The following GARNL3 variants were observed in gnomAD, a reference collection of about 807,000 sequenced individuals.
The protein encoded by GARNL3 is GTPase-activating Rap/Ran-GAP domain-like protein 3.
A neutral mutation model predicts 125.0 loss-of-function variants in GARNL3; 63 were observed. That is an observed-to-expected ratio of 0.50 (90% CI 0.41 to 0.62). The LOEUF (loss-of-function observed/expected upper bound fraction) is 0.62. Ranked by LOEUF, GARNL3 falls within the 20% of genes least tolerant of loss-of-function variation. The pLI, the probability that GARNL3 is intolerant of heterozygous loss-of-function variation, is 0.00. For missense variants in GARNL3, 994 were observed against 1,244.0 expected (o/e 0.80, Z 3.02); for synonymous variants, 439 against 457.5 (o/e 0.96, Z 0.52).
chr9:127,268,515 C>A (rs1490027889), intron 1 of GARNL3, among the ~76,000 whole-genome samples: 1 of 152,212 alleles, frequency 6.6e-6, no homozygotes, highest in East Asian at 1.9e-4. Flanking sequence ...TTTTTCCCAG[C>A]AGCCAGAGTG....
At chr9:127,387,409 T>C (rs1832599739) in intron 25 of GARNL3, 78 bp downstream of exon 25, 1 of 1,298,158 alleles carries the variant, frequency 7.7e-7, no homozygotes. Context: ...AATATCTACA[T>C]GTGATTACTG....
intron 4 of GARNL3, among the ~76,000 whole-genome samples, chr9:127,315,980 C>T (rs905643759): frequency 6.6e-6 from 1 of 152,186 alleles, no homozygotes; most frequent in African/African-American, 2.4e-5. Context: ...CTGATACATA[C>T]ATGCACTTGA....
chr9:127,368,722 G>A (rs1831436825), intron 22 of GARNL3, among the ~76,000 whole-genome samples: 1 of 149,500 alleles, frequency 6.7e-6, no homozygotes, highest in Admixed American at 6.7e-5. Flanking sequence ...ATCATTTGAG[G>A]TCAGGAGTTC....
intron 2 of GARNL3, among the ~76,000 whole-genome samples, chr9:127,254,717 C>A (rs552965793): frequency 8.0e-5 from 12 of 149,352 alleles, no homozygotes; most frequent in Admixed American, 2.7e-4. Context: ...TACAATGAGC[C>A]AAGATCGTGC....
In GARNL3 at chr9:127,357,266, G is replaced by A. The variant is rs1187938187; in HGVS notation, c.1983G>A (p.Gly661=). The A allele has an allele frequency of 6.2e-7, 1 of 1,614,096 alleles. No homozygotes were observed. The highest frequency in any genetic ancestry group is 1.3e-5 in the African/African-American group (1 of 74,936). ...DSPMVMTLVD[G]PAEESDNLIC... is the part of the protein sequence containing the mutation. ...CCATGGTGATGACCTTAGTGGATGGGCCAGCTGAAGAGAGTGACAATCTCA... is the reference window on the plus strand; with the variant it reads ...CCATGGTGATGACCTTAGTGGATGGACCAGCTGAAGAGAGTGACAATCTCA... Residue 661 remains glycine (G), a synonymous_variant, in exon 21 of 28, where the codon GGG becomes GGA. Coordinates refer to ENST00000373387, the MANE Select transcript of GARNL3 (RefSeq NM_032293.5).
In GARNL3 at chr9:127,335,528, C is replaced by G. The variant is rs111891793; in HGVS notation, c.873+195C>G. On this transcript the variant is annotated intron_variant, in intron 10 of 27. Transcript: ENST00000373387. ...GAGCTATTCTCACTGGTGCTGTCAC[C>G]TTAGAGAAATAAGGGGTCAGAGATA... Among the ~76,000 whole-genome samples, 625 of 152,252 alleles carry G rather than the reference C, an allele frequency of 4.1e-3. 2 individuals are homozygous for G. Among genetic ancestry groups the G allele is most frequent in the African/African-American group, 0.014 (595 of 41,542 alleles).
intron 1 of GARNL3, among the ~76,000 whole-genome samples, chr9:127,287,530 G>A (rs2064286337): frequency 6.6e-6 from 1 of 152,190 alleles, no homozygotes; most frequent in Admixed American, 6.5e-5. Flanking sequence ...TCCTTTCACA[G>A]CAGCTGACGT....
chr9:127,297,039 A>G (rs2064620594), intron 2 of GARNL3, among the ~76,000 whole-genome samples: 1 of 152,160 alleles, frequency 6.6e-6, no homozygotes. Context: ...TTCCCATTAT[A>G]CCACACCCCT....
chr9:127,314,686 G>A (rs551510212), intron 4 of GARNL3, among the ~76,000 whole-genome samples: 1 of 152,332 alleles, frequency 6.6e-6, no homozygotes, highest in South Asian at 2.1e-4. Context: ...TCACTGAGAT[G>A]GCTGCCATGT....
chr9:127,350,521 T>C (rs1014287924), intron 17 of GARNL3, among the ~76,000 whole-genome samples: 2 of 152,076 alleles, frequency 1.3e-5, no homozygotes, highest in Non-Finnish European at 2.9e-5. Context: ...ACGCCTGTAA[T>C]CCCAGGACTT....
At chr9:127,227,329 A>G (rs914625529) in intron 1 of GARNL3, among the ~76,000 whole-genome samples, 1 of 152,152 alleles carries the variant, frequency 6.6e-6, no homozygotes, top group Non-Finnish European at 1.5e-5. Flanking sequence ...GGCCAGGCGC[A>G]GTGGCTCATG....
At chr9:127,301,805 T>A (rs1221390797) in intron 2 of GARNL3, among the ~76,000 whole-genome samples, 1 of 152,042 alleles carries the variant, frequency 6.6e-6, no homozygotes, top group Non-Finnish European at 1.5e-5. Context: ...GTGTGACCCC[T>A]GGGTGGATCA....
intron 17 of GARNL3, among the ~76,000 whole-genome samples, chr9:127,349,314 C>T (rs1830306620): frequency 6.6e-6 from 1 of 151,988 alleles, no homozygotes; most frequent in Non-Finnish European, 1.5e-5. Flanking sequence ...ATCTCCTTTT[C>T]AGCCAATACT....
At chr9:127,379,954 T>A (rs1588969051) in intron 22 of GARNL3, among the ~76,000 whole-genome samples, 1 of 152,006 alleles carries the variant, frequency 6.6e-6, no homozygotes, top group Admixed American at 6.6e-5. Context: ...CCAAAGCGGG[T>A]GGATCACTTG....
chr9:127,307,772 A>C, intron 2 of GARNL3, among the ~76,000 whole-genome samples: 1 of 152,272 alleles, frequency 6.6e-6, no homozygotes, highest in Admixed American at 6.5e-5. Context: ...AGTTTTTTTT[A>C]ATGTGTCAAG....
chr9:127,299,245 A>T (rs1304144004), intron 2 of GARNL3, among the ~76,000 whole-genome samples: 2 of 146,134 alleles, frequency 1.4e-5, no homozygotes, highest in African/African-American at 5.0e-5. Flanking sequence ...TGAACCCGGG[A>T]GGTGGAGCTT....
chr9:127,273,459 C>T (rs1279221565), intron 1 of GARNL3, among the ~76,000 whole-genome samples: 1 of 152,206 alleles, frequency 6.6e-6, no homozygotes, highest in Non-Finnish European at 1.5e-5. Flanking sequence ...CAAAAGCTTG[C>T]TATTAAGAAT....
chr9:127,348,602 A>G (rs1034234597), intron 16 of GARNL3, among the ~76,000 whole-genome samples: 1 of 152,204 alleles, frequency 6.6e-6, no homozygotes, highest in African/African-American at 2.4e-5. Context: ...ATTTGGCCCA[A>G]CTCCCAGGTG....
chr9:127,308,329 C>T (rs778381082), intron 2 of GARNL3, among the ~76,000 whole-genome samples: 44 of 152,254 alleles, frequency 2.9e-4, no homozygotes, highest in South Asian at 1.0e-3. Context: ...GAAGATGCTG[C>T]ATTCTTCAAA....
Sources: gnomAD v4.1 joint callset for allele counts (sites outside exome capture counted in the v4.1 genomes callset) on GRCh38, gnomAD v4.1.1 for gene constraint, MANE v1.5 for transcripts, NCBI Gene and HGNC (gene_info 2026-07-23, HGNC 2026-07-21) for gene names.